PCDH15: variants seen among roughly 807,000 people sequenced by gnomAD.
PCDH15 encodes the protein protocadherin related 15.
A neutral mutation model predicts 178.5 loss-of-function variants in PCDH15; 129 were observed. That is an observed-to-expected ratio of 0.72 (90% CI 0.63 to 0.84). PCDH15 has a LOEUF of 0.84. Among genes scored for constraint, PCDH15 ranks in the 40% least tolerant of loss-of-function variants. The probability of loss-of-function intolerance (pLI) is 0.00; values close to 1 mark genes in which losing one functional copy is unlikely to be tolerated. For missense variants in PCDH15, 2,230 were observed against 2,099.9 expected, an observed-to-expected ratio of 1.06 and a Z score of -1.21; for synonymous variants, 800 against 732.0, an observed-to-expected ratio of 1.09 and a Z score of -1.50.
chr10:55,519,285 T>TAA (rs34476517), intron 2 of PCDH15, among the ~76,000 whole-genome samples: 78,628 of 133,914 alleles, frequency 0.59, 23,251 homozygotes, highest in East Asian at 0.93. Context: ...ATGCTGAGTG[T>TAA]AAAAAAAAAA....
At chr10:55,522,770 C>T (rs909424803) in intron 2 of PCDH15, among the ~76,000 whole-genome samples, 4 of 151,814 alleles carry the variant, frequency 2.6e-5, no homozygotes, top group Middle Eastern at 3.4e-3. Context: ...TACTTATCCA[C>T]CATTTCTTTT....
chr10:55,068,746 A>C (rs1398125266), intron 2 of PCDH15, among the ~76,000 whole-genome samples: 1 of 149,856 alleles, frequency 6.7e-6, no homozygotes, highest in Non-Finnish European at 1.5e-5. Context: ...ATTTGTTTGT[A>C]TTCTCTTCAC....
chr10:54,575,197 G>T (rs2090332246), intron 2 of PCDH15: 1 of 148,924 alleles, frequency 6.7e-6, no homozygotes, highest in Non-Finnish European at 1.5e-5. Context: ...TATACCTAAT[G>T]CTAGATGACG....
At chr10:54,995,185 G>A (rs1383258851) in intron 2 of PCDH15, among the ~76,000 whole-genome samples, 2 of 151,922 alleles carry the variant, frequency 1.3e-5, no homozygotes, top group African/African-American at 2.4e-5. Context: ...GACCATCCTG[G>A]CTAACACGGT....
intron 17 of PCDH15, among the ~76,000 whole-genome samples, chr10:54,075,001 G>A (rs1339470909): frequency 6.6e-6 from 1 of 151,956 alleles, no homozygotes; most frequent in Non-Finnish European, 1.5e-5. Flanking sequence ...ATGTTTACTG[G>A]TCATTTATAT....
rs1244122202 is a variant in PCDH15 at position 54,099,308 on chromosome 10, G to A, written c.1918-9245C>T. Among the ~76,000 whole-genome samples the A allele has an allele frequency of 2.0e-5, 3 of 151,708 alleles. No homozygotes were observed. In the East Asian group the frequency reaches 5.8e-4, roughly 29 times the overall value. On this transcript the variant is annotated intron_variant, in intron 15 of 37. Coordinates refer to ENST00000644397, the MANE Select transcript of PCDH15 (RefSeq NM_001384140.1). ...GAGGTCGGGAGATCGAGACCATCCT[G>A]GCTAACATGGTGAAACCCCATCTCT...
intron 2 of PCDH15, among the ~76,000 whole-genome samples, chr10:55,550,344 C>A (rs1285390334): frequency 1.3e-5 from 2 of 152,232 alleles, no homozygotes; most frequent in African/African-American, 4.8e-5. Flanking sequence ...GGATTCTTTT[C>A]TCTTCATAAA....
chr10:54,302,350 G>A (rs990871799), intron 8 of PCDH15, among the ~76,000 whole-genome samples: 1 of 152,174 alleles, frequency 6.6e-6, no homozygotes, highest in Admixed American at 6.5e-5. Context: ...TGTTGTTTTA[G>A]ACTAGACTGT....
At chr10:55,301,280 G>T (rs1182230473) in intron 1 of PCDH15, among the ~76,000 whole-genome samples, 1 of 152,024 alleles carries the variant, frequency 6.6e-6, no homozygotes, top group East Asian at 1.9e-4. Context: ...TGTTATAATT[G>T]TTACTTATTG....
At chr10:55,539,728 G>A (rs12220977) in intron 2 of PCDH15, among the ~76,000 whole-genome samples, 59,136 of 151,760 alleles carry the variant, frequency 0.39, 12,250 homozygotes, top group East Asian at 0.8. Context: ...ACTATATATC[G>A]TGAGTTTTTA....
At chr10:54,575,878 A>G (rs2090422829) in intron 2 of PCDH15, among the ~76,000 whole-genome samples, 1 of 152,204 alleles carries the variant, frequency 6.6e-6, no homozygotes, top group Non-Finnish European at 1.5e-5. Flanking sequence ...GCCATATTTA[A>G]TTCCACACAA....
chr10:54,546,094 A>G (rs572158710), intron 2 of PCDH15, among the ~76,000 whole-genome samples: 3 of 152,224 alleles, frequency 2.0e-5, no homozygotes, highest in African/African-American at 7.2e-5. Flanking sequence ...TGAGGTTTCC[A>G]CTAGAAAGTT....
intron 2 of PCDH15, among the ~76,000 whole-genome samples, chr10:55,556,378 T>C (rs1048301899): frequency 3.3e-5 from 5 of 152,194 alleles, no homozygotes; most frequent in African/African-American, 9.6e-5. Context: ...TCTTTGCCTC[T>C]ACCATATATT....
chr10:55,013,448 T>G (rs1033693679), intron 2 of PCDH15, among the ~76,000 whole-genome samples: 1 of 152,096 alleles, frequency 6.6e-6, no homozygotes, highest in African/African-American at 2.4e-5. Context: ...CTCTCTCAAT[T>G]ACTGTGTTTC....
chr10:55,438,224 C>CACAA (rs756183184), intron 2 of PCDH15, among the ~76,000 whole-genome samples: 35 of 151,550 alleles, frequency 2.3e-4, no homozygotes, highest in Middle Eastern at 3.4e-3. Context: ...CACACACACA[C>CACAA]AAAATACCTA....
chr10:54,485,367 T>A (rs2079031535), intron 3 of PCDH15, among the ~76,000 whole-genome samples: 1 of 151,956 alleles, frequency 6.6e-6, no homozygotes, highest in Admixed American at 6.6e-5. Flanking sequence ...CAATTGAGCC[T>A]CTTTTCCTTT....
chr10:54,469,793 G>A (rs2077771598), intron 3 of PCDH15, among the ~76,000 whole-genome samples: 2 of 152,222 alleles, frequency 1.3e-5, no homozygotes, highest in African/African-American at 2.4e-5. Flanking sequence ...TAGTAGTGGA[G>A]GGTCAATCCT....
intron 2 of PCDH15, among the ~76,000 whole-genome samples, chr10:55,123,961 A>T (rs1455580137): frequency 6.6e-6 from 1 of 152,144 alleles, no homozygotes. Context: ...AGCAGGCTGG[A>T]GTCTGCAGAA....
chr10:55,541,776 C>T (rs1841765034), intron 2 of PCDH15, among the ~76,000 whole-genome samples: 1 of 151,780 alleles, frequency 6.6e-6, no homozygotes. Flanking sequence ...ATTACATTTT[C>T]ATTTTTGTCA....
Sources: gnomAD v4.1 joint callset for allele counts (sites outside exome capture counted in the v4.1 genomes callset) on GRCh38, gnomAD v4.1.1 for gene constraint, MANE v1.5 for transcripts, NCBI Gene and HGNC (gene_info 2026-07-23, HGNC 2026-07-21) for gene names.